Variants in MAGI2 observed in about 807,000 individuals in gnomAD.
The protein encoded by MAGI2 is membrane-associated guanylate kinase, WW and PDZ domain-containing protein 2.
In MAGI2, 35 loss-of-function variants were observed where a neutral mutation model predicts 133.3. The observed-to-expected ratio is 0.26, with a 90% CI of 0.20 to 0.35. The LOEUF is 0.35. Ranked by LOEUF, MAGI2 falls within the 10% of genes least tolerant of loss-of-function variation. The pLI is 1.00. For synonymous variants in MAGI2, 729 were observed against 710.6 expected (o/e 1.03, Z -0.41); for missense variants, 1,636 against 1,863.4 (o/e 0.88, Z 2.25).
intron 1 of MAGI2, chr7:79,410,819 G>GA (rs1846094076): frequency 6.6e-6 from 1 of 151,830 alleles, no homozygotes; most frequent in African/African-American, 2.4e-5. Context: ...GTGTTGAAAG[G>GA]AAAAAAATGG....
intron 1 of MAGI2, among the ~76,000 whole-genome samples, chr7:79,032,328 C>T (rs28420138): frequency 0.12 from 17,942 of 151,922 alleles, 1,504 homozygotes; most frequent in African/African-American, 0.24. Context: ...ACCAGCCTTA[C>T]CAACATGGTG....
rs10526268 is a variant in MAGI2 at position 78,903,172 on chromosome 7, C to CTTTTTTTTTTTTTTTTTTTTTTTTT, written c.418+103893_418+103917dup. ...TTCATGCAAGTGGGAGTTCCTGAAT[C>CTTTTTTTTTTTTTTTTTTTTTTTTT]TTTTTTTTTTTTTTTTTTTTTTTTT... On this transcript the variant is annotated intron_variant, in intron 2 of 21. Transcript: ENST00000354212. Among the ~76,000 whole-genome samples, 3 of 56,082 alleles carry CTTTTTTTTTTTTTTTTTTTTTTTTT rather than the reference C, an allele frequency of 5.3e-5. 1 individual carries two copies. Among genetic ancestry groups the CTTTTTTTTTTTTTTTTTTTTTTTTT allele is most frequent in the Non-Finnish European group, 9.7e-5 (3 of 30,842 alleles). 36.8% of individuals were successfully genotyped at this position (56,082 alleles called of 152,430 possible). A position where few individuals can be genotyped will look rare whatever the true frequency, so the allele number is the denominator to read the frequency against.
intron 16 of MAGI2, among the ~76,000 whole-genome samples, chr7:78,152,646 G>T (rs3735446): frequency 0.083 from 12,706 of 152,244 alleles, 770 homozygotes; most frequent in East Asian, 0.3. Flanking sequence ...TCTTATCTTT[G>T]TTGTATATGT....
chr7:78,755,568 G>T (rs1201386034), intron 2 of MAGI2, among the ~76,000 whole-genome samples: 1 of 152,056 alleles, frequency 6.6e-6, no homozygotes, highest in African/African-American at 2.4e-5. Context: ...AAAAAGGCTT[G>T]TGTATCTACA....
intron 9 of MAGI2, among the ~76,000 whole-genome samples, chr7:78,275,813 G>T (rs10485879): frequency 0.19 from 29,494 of 152,086 alleles, 3,286 homozygotes; most frequent in South Asian, 0.31. Flanking sequence ...GAAAATAATG[G>T]ACTAGAATAT....
intron 6 of MAGI2, among the ~76,000 whole-genome samples, chr7:78,370,269 G>A (rs1418714727): frequency 6.6e-6 from 1 of 151,940 alleles, no homozygotes; most frequent in African/African-American, 2.4e-5. Context: ...CACATACAGT[G>A]CATATTACTT....
chr7:78,065,423 A>G (rs3823797), intron 21 of MAGI2: 112,171 of 466,696 alleles, frequency 0.24, 14,064 homozygotes, highest in Middle Eastern at 0.25. Context: ...TATCCTTATC[A>G]CTTATAAGGT....
At chr7:78,390,787 A>T (rs1459276512) in intron 6 of MAGI2, among the ~76,000 whole-genome samples, 1 of 152,114 alleles carries the variant, frequency 6.6e-6, no homozygotes, top group Non-Finnish European at 1.5e-5. Context: ...GTTATTTAGC[A>T]CCATAGGAGT....
chr7:78,164,619 C>T (rs1825437527), intron 15 of MAGI2, among the ~76,000 whole-genome samples: 1 of 152,236 alleles, frequency 6.6e-6, no homozygotes, highest in African/African-American at 2.4e-5. Flanking sequence ...GTACTGGCAC[C>T]TTCAATACTG....
intron 1 of MAGI2, among the ~76,000 whole-genome samples, chr7:79,018,938 A>G (rs1372338168): frequency 1.3e-5 from 2 of 152,184 alleles, no homozygotes. Context: ...ACAAAAGAAT[A>G]ATGGAAGACT....
intron 1 of MAGI2, among the ~76,000 whole-genome samples, chr7:79,154,554 T>C (rs1027710010): frequency 1.3e-5 from 2 of 152,130 alleles, no homozygotes; most frequent in African/African-American, 4.8e-5. Flanking sequence ...AAGAAGTACT[T>C]CAATGGCTGC....
At position 78,194,887 on chromosome 7, in the gene MAGI2, A is replaced by G. The variant is rs1324361727; in HGVS notation, c.2256T>C (p.Ile752=). The G allele has an allele frequency of 6.2e-7, 1 of 1,602,244 alleles. No individual in the cohort carries two copies. The highest frequency in any genetic ancestry group is 2.2e-5 in the East Asian group (1 of 44,638). The stretch of plus-strand genomic sequence containing the variant: ...GCTTTCACTTACGCCTACTTTCATA[A>G]ATGGCCCTAGATTTCTCGTAGAGCT... ...PYELYEKSRA[I]YESRQQVPPR... Residue 752 remains isoleucine, a synonymous_variant, in exon 12 of 22, where the codon ATT becomes ATC. Coordinates refer to ENST00000354212, the MANE Select transcript of MAGI2 (RefSeq NM_012301.4).
intron 20 of MAGI2, among the ~76,000 whole-genome samples, chr7:78,115,274 C>G (rs1354776524): frequency 6.6e-6 from 1 of 151,058 alleles, no homozygotes; most frequent in Non-Finnish European, 1.5e-5. Flanking sequence ...ACCGGAACCC[C>G]AAAGAACAAT....
intron 16 of MAGI2, among the ~76,000 whole-genome samples, chr7:78,158,690 T>C (rs1454182794): frequency 6.6e-6 from 1 of 152,174 alleles, no homozygotes; most frequent in Middle Eastern, 3.2e-3. Context: ...ATGGTTTGAC[T>C]TAAACAAAAT....
chr7:79,344,597 G>A (rs1841167794), intron 1 of MAGI2, among the ~76,000 whole-genome samples: 1 of 152,086 alleles, frequency 6.6e-6, no homozygotes, highest in Admixed American at 6.6e-5. Context: ...AAAGTTTCTG[G>A]TGTGTTCAGA....
intron 6 of MAGI2, among the ~76,000 whole-genome samples, chr7:78,441,155 G>A (rs1787584461): frequency 6.6e-6 from 1 of 152,102 alleles, no homozygotes. Flanking sequence ...TCAAGATCCT[G>A]CACAATTTGG....
In MAGI2 at chr7:79,416,725, C is replaced by CTTTTTTT. The variant is rs1176426138; in HGVS notation, c.301+36294_301+36295insAAAAAAA. Among the ~76,000 whole-genome samples the CTTTTTTT allele has an allele frequency of 3.2e-3, 327 of 102,432 alleles. 18 individuals are homozygous for CTTTTTTT. Among genetic ancestry groups the CTTTTTTT allele is most frequent in the Non-Finnish European group, 3.6e-3 (192 of 53,506 alleles). 67.2% of individuals were successfully genotyped at this position (102,432 alleles called of 152,430 possible). A position where few individuals can be genotyped will look rare whatever the true frequency, so the allele number is the denominator to read the frequency against. ...TTCTTTTTTCTTTTCTTTTCTTTTT[C>CTTTTTTT]TTTTTCTTTTTTTTTTTTTGAGGTG... On this transcript the variant is annotated intron_variant, in intron 1 of 21. Coordinates refer to ENST00000354212, the MANE Select transcript of MAGI2 (RefSeq NM_012301.4).
intron 2 of MAGI2, among the ~76,000 whole-genome samples, chr7:78,835,329 T>A (rs12670051): frequency 0.36 from 54,572 of 152,088 alleles, 10,508 homozygotes; most frequent in East Asian, 0.71. Flanking sequence ...TTTATGAATA[T>A]AAAGTAATTA....
intron 1 of MAGI2, among the ~76,000 whole-genome samples, chr7:79,387,231 A>G (rs1844254820): frequency 1.3e-5 from 2 of 151,804 alleles, no homozygotes; most frequent in African/African-American, 4.8e-5. Context: ...ATTCTCTCCT[A>G]TCTTTACATC....
Sources: gnomAD v4.1 joint callset for allele counts (sites outside exome capture counted in the v4.1 genomes callset) on GRCh38, gnomAD v4.1.1 for gene constraint, MANE v1.5 for transcripts, NCBI Gene and HGNC (gene_info 2026-07-23, HGNC 2026-07-21) for gene names.